Variants in PPARGC1A observed in about 807,000 individuals in gnomAD.
The protein encoded by PPARGC1A is PPARG coactivator 1 alpha.
Under a neutral mutation model 88.7 loss-of-function variants are expected in PPARGC1A, and 25 were observed. That is an observed-to-expected ratio of 0.28 (90% CI 0.21 to 0.39). The LOEUF is 0.39. Ranked by LOEUF, PPARGC1A falls within the 10% of genes least tolerant of loss-of-function variation. The probability of loss-of-function intolerance (pLI) is 1.00; values close to 1 mark genes in which losing one functional copy is unlikely to be tolerated. For synonymous variants in PPARGC1A, 363 were observed against 355.6 expected (o/e 1.02, Z -0.24); for missense variants, 880 against 968.7 (o/e 0.91, Z 1.22).
the PPARGC1A span, among the ~76,000 whole-genome samples, chr4:23,912,798 T>A: frequency 6.6e-6 from 1 of 151,548 alleles, no homozygotes; most frequent in Non-Finnish European, 1.5e-5. Context: ...ATTTCTTTTT[T>A]TTTTTTTTTA....
chr4:24,145,579 A>G, the PPARGC1A span, among the ~76,000 whole-genome samples: 66,024 of 152,088 alleles, frequency 0.43, 16,248 homozygotes, highest in African/African-American at 0.68. Context: ...CTTGGGAAAT[A>G]CAAGGATTGT....
chr4:24,209,389 T>C, the PPARGC1A span, among the ~76,000 whole-genome samples: 1 of 152,208 alleles, frequency 6.6e-6, no homozygotes, highest in Non-Finnish European at 1.5e-5. Flanking sequence ...TCCCTGTTCC[T>C]CAGCAGAGGA....
chr4:24,151,468 A>G, the PPARGC1A span, among the ~76,000 whole-genome samples: 3 of 152,102 alleles, frequency 2.0e-5, no homozygotes, highest in Non-Finnish European at 4.4e-5. Context: ...TCACCTCCCA[A>G]AGGTCCACCT....
At chr4:24,426,876 G>A in the PPARGC1A span, among the ~76,000 whole-genome samples, 21 of 152,292 alleles carry the variant, frequency 1.4e-4, no homozygotes, top group African/African-American at 4.6e-4. Flanking sequence ...CATACACAGA[G>A]AGCGGGCTCC....
chr4:24,079,212 T>C, the PPARGC1A span, among the ~76,000 whole-genome samples: 6 of 152,084 alleles, frequency 3.9e-5, no homozygotes, highest in Admixed American at 6.5e-5. Context: ...TGTTACCTAA[T>C]TGATTTCCAG....
the PPARGC1A span, among the ~76,000 whole-genome samples, chr4:24,222,459 A>G: frequency 4.6e-5 from 7 of 152,254 alleles, no homozygotes; most frequent in African/African-American, 1.7e-4. Flanking sequence ...TTGATGAGCT[A>G]ACGTATACAA....
the PPARGC1A span, among the ~76,000 whole-genome samples, chr4:24,064,428 C>T: frequency 6.6e-6 from 1 of 152,006 alleles, no homozygotes; most frequent in African/African-American, 2.4e-5. Context: ...GCAATATTTC[C>T]ATTGCCCTGG....
At chr4:23,873,235 A>T (rs1713954499) in intron 2 of PPARGC1A, among the ~76,000 whole-genome samples, 1 of 151,080 alleles carries the variant, frequency 6.6e-6, no homozygotes, top group Non-Finnish European at 1.5e-5. Flanking sequence ...AAAGAAAAAA[A>T]TGTGACCAGC....
the PPARGC1A span, among the ~76,000 whole-genome samples, chr4:24,103,264 A>G: frequency 6.6e-6 from 1 of 152,058 alleles, no homozygotes; most frequent in Non-Finnish European, 1.5e-5. Flanking sequence ...CCACACTCTC[A>G]ACTGCCTTCC....
At chr4:23,860,933 A>G (rs1731138451) in intron 2 of PPARGC1A, among the ~76,000 whole-genome samples, 1 of 152,222 alleles carries the variant, frequency 6.6e-6, no homozygotes, top group Non-Finnish European at 1.5e-5. Context: ...CTAGGCTCCC[A>G]GGAAAAACAA....
At chr4:24,072,339 C>T in the PPARGC1A span, among the ~76,000 whole-genome samples, 2 of 151,626 alleles carry the variant, frequency 1.3e-5, no homozygotes, top group African/African-American at 2.4e-5. Flanking sequence ...GCTAGATATA[C>T]TATTGAGTTT....
chr4:24,032,395 C>G, the PPARGC1A span, among the ~76,000 whole-genome samples: 1 of 152,204 alleles, frequency 6.6e-6, no homozygotes, highest in Non-Finnish European at 1.5e-5. Context: ...CCTTTCCACT[C>G]TGTCATGGTG....
chr4:24,447,898 G>A, the PPARGC1A span, among the ~76,000 whole-genome samples: 2 of 152,148 alleles, frequency 1.3e-5, no homozygotes, highest in Admixed American at 1.3e-4. Context: ...CCAGGCAATC[G>A]TTCTGCTCCA....
chr4:24,256,536 C>T, the PPARGC1A span, among the ~76,000 whole-genome samples: 1 of 152,190 alleles, frequency 6.6e-6, no homozygotes, highest in Admixed American at 6.5e-5. Flanking sequence ...TAAACAGCAA[C>T]TCCGAAGTAG....
the PPARGC1A span, among the ~76,000 whole-genome samples, chr4:24,208,683 ATAT>A: frequency 0.019 from 2,448 of 126,944 alleles, 91 homozygotes; most frequent in African/African-American, 0.068. Flanking sequence ...CAGAAAAAAA[ATAT>A]ATATATATAT....
the PPARGC1A span, among the ~76,000 whole-genome samples, chr4:24,259,727 A>T: frequency 6.6e-6 from 1 of 152,198 alleles, no homozygotes; most frequent in Non-Finnish European, 1.5e-5. Context: ...TATCGATTGA[A>T]TTCATGAATC....
At chr4:23,936,021 GA>G in the PPARGC1A span, among the ~76,000 whole-genome samples, 2 of 151,870 alleles carry the variant, frequency 1.3e-5, no homozygotes, top group African/African-American at 4.8e-5. Context: ...TTAATTTAGT[GA>G]ATATTAAGTA....
the PPARGC1A span, among the ~76,000 whole-genome samples, chr4:24,050,091 G>A: frequency 1.8e-4 from 27 of 151,294 alleles, 1 homozygote; most frequent in African/African-American, 5.8e-4. Context: ...ATCATTTCCT[G>A]TTGGCTTTTT....
chr4:24,284,018 G>A, the PPARGC1A span, among the ~76,000 whole-genome samples: 1 of 151,792 alleles, frequency 6.6e-6, no homozygotes, highest in Non-Finnish European at 1.5e-5. Flanking sequence ...AGTGGCTCAT[G>A]CCTGTAATCC....
Sources: gnomAD v4.1 joint callset for allele counts (sites outside exome capture counted in the v4.1 genomes callset) on GRCh38, gnomAD v4.1.1 for gene constraint, MANE v1.5 for transcripts, NCBI Gene and HGNC (gene_info 2026-07-23, HGNC 2026-07-21) for gene names.